SDK1: variants seen among roughly 807,000 people sequenced by gnomAD.
SDK1 encodes sidekick cell adhesion molecule 1.
Under a neutral mutation model 245.5 loss-of-function variants are expected in SDK1, and 157 were observed. The observed-to-expected ratio is 0.64, with a 90% CI of 0.56 to 0.73. The LOEUF (loss-of-function observed/expected upper bound fraction) is 0.73, where lower values mean the gene tolerates loss of function less well. Ranked by LOEUF, SDK1 falls within the 30% of genes least tolerant of loss-of-function variation. SDK1 has a pLI of 0.00. For synonymous variants in SDK1, 1,647 were observed against 1,278.5 expected (o/e 1.29, Z -6.15); for missense variants, 3,583 against 3,002.3 (o/e 1.19, Z -4.52).
At chr7:3,502,916 C>A (rs189124042) in intron 1 of SDK1, among the ~76,000 whole-genome samples, 1 of 152,154 alleles carries the variant, frequency 6.6e-6, no homozygotes, top group East Asian at 1.9e-4. Context: ...GATGTTAATG[C>A]TGATCTAACC....
At chr7:3,537,221 A>G (rs527305199) in intron 1 of SDK1, among the ~76,000 whole-genome samples, 4 of 152,338 alleles carry the variant, frequency 2.6e-5, no homozygotes, top group East Asian at 1.9e-4. Flanking sequence ...AAATGGAACT[A>G]TGCACTCTTG....
intron 1 of SDK1, among the ~76,000 whole-genome samples, chr7:3,439,568 C>G (rs1780133929): frequency 6.6e-6 from 1 of 152,178 alleles, no homozygotes; most frequent in African/African-American, 2.4e-5. Flanking sequence ...GGGAATGCCT[C>G]TGTGAGTCAC....
intron 14 of SDK1, among the ~76,000 whole-genome samples, chr7:4,003,296 T>C (rs1785212279): frequency 6.6e-6 from 1 of 152,228 alleles, no homozygotes; most frequent in African/African-American, 2.4e-5. Context: ...TTCTTTTTTC[T>C]TACTAAACTT....
intron 4 of SDK1, among the ~76,000 whole-genome samples, chr7:3,650,203 C>T (rs1203691977): frequency 6.6e-6 from 1 of 152,148 alleles, no homozygotes; most frequent in Non-Finnish European, 1.5e-5. Flanking sequence ...GTGTGAGTCA[C>T]CATCCCTGGC....
At chr7:4,237,279 A>G (rs1786230889) in intron 41 of SDK1, among the ~76,000 whole-genome samples, 1 of 151,816 alleles carries the variant, frequency 6.6e-6, no homozygotes, top group South Asian at 2.1e-4. Flanking sequence ...CAGTGTTTTT[A>G]AACAGATGAA....
rs146789455 is a variant in SDK1 at position 3,417,807 on chromosome 7, G to C, written c.298+115923G>C. 4.0e-3 allele frequency among the ~76,000 whole-genome samples: 616 copies of C among 152,276 alleles called. 19 individuals are homozygous for C. The highest frequency in any genetic ancestry group is 0.037 in the Admixed American group (567 of 15,296). On this transcript the variant is annotated intron_variant, in intron 1 of 44. Coordinates refer to ENST00000404826, the MANE Select transcript of SDK1 (RefSeq NM_152744.4). ...GTGTCCAGCAGCGACATAGACTGCT[G>C]AGATATGGCATGTCAGAGTCTGAAA...
chr7:3,986,496 A>G (rs1373946181), intron 13 of SDK1, among the ~76,000 whole-genome samples: 2 of 152,240 alleles, frequency 1.3e-5, no homozygotes, highest in African/African-American at 4.8e-5. Context: ...CTTTTCCTGC[A>G]TATGTGGCAT....
intron 5 of SDK1, among the ~76,000 whole-genome samples, chr7:3,924,694 C>A (rs1345607036): frequency 6.6e-6 from 1 of 152,198 alleles, no homozygotes; most frequent in African/African-American, 2.4e-5. Context: ...CACAACCCAT[C>A]CCTCAGAGAG....
Position 3,457,000 on chromosome 7 carries a change from C to T in SDK1, c.298+155116C>T, listed in dbSNP as rs560349200. On this transcript the variant is annotated intron_variant, in intron 1 of 44. Coordinates refer to ENST00000404826, the MANE Select transcript of SDK1 (RefSeq NM_152744.4). The stretch of plus-strand genomic sequence containing the variant: ...TCCCCCGATCCTTGCAGGTGCCTCT[C>T]AAGGGTGCACAAGGTGCTTCCGCAG... 7.4e-4 allele frequency among the ~76,000 whole-genome samples: 112 copies of T among 152,276 alleles called. 1 individual carries two copies. Among genetic ancestry groups the T allele is most frequent in the African/African-American group, 2.7e-3 (112 of 41,566 alleles).
intron 5 of SDK1, among the ~76,000 whole-genome samples, chr7:3,849,330 T>A (rs1429256247): frequency 1.3e-5 from 2 of 152,188 alleles, no homozygotes. Flanking sequence ...CCTGCTGAGG[T>A]CTGAGCTCCT....
chr7:3,961,771 A>G (rs915751622), intron 8 of SDK1, among the ~76,000 whole-genome samples: 6 of 152,230 alleles, frequency 3.9e-5, no homozygotes, highest in Admixed American at 2.0e-4. Context: ...GAATAGTGAT[A>G]CTGCCATTGA....
chr7:4,122,433 T>C (rs1562842277), intron 25 of SDK1, among the ~76,000 whole-genome samples: 1 of 152,058 alleles, frequency 6.6e-6, no homozygotes, highest in Non-Finnish European at 1.5e-5. Flanking sequence ...TTGTCTGAAA[T>C]AAGTCTCCCC....
At chr7:3,474,008 C>T (rs892462119) in intron 1 of SDK1, among the ~76,000 whole-genome samples, 4 of 149,956 alleles carry the variant, frequency 2.7e-5, no homozygotes, top group Admixed American at 6.6e-5. Flanking sequence ...CACCTTTAAC[C>T]TGTAAAATGA....
chr7:3,734,944 G>C (rs1400103224), intron 4 of SDK1, among the ~76,000 whole-genome samples: 3 of 152,112 alleles, frequency 2.0e-5, no homozygotes, highest in African/African-American at 7.2e-5. Context: ...TGAGTGCCCT[G>C]TGTCCTTCAT....
At chr7:3,620,721 G>A (rs1364545865) in intron 2 of SDK1, among the ~76,000 whole-genome samples, 2 of 152,050 alleles carry the variant, frequency 1.3e-5, no homozygotes, top group East Asian at 1.9e-4. Flanking sequence ...AGGAGCAGGC[G>A]GCTGAGCAGA....
intron 22 of SDK1, among the ~76,000 whole-genome samples, chr7:4,089,823 C>T (rs1447368461): frequency 1.3e-5 from 2 of 152,238 alleles, no homozygotes; most frequent in Non-Finnish European, 2.9e-5. Flanking sequence ...TTCCCCTCCA[C>T]CCAAAGGCCT....
rs561983956 is a variant in SDK1 at position 4,215,531 on chromosome 7, G to A, written c.5540-4578G>A. Among the ~76,000 whole-genome samples the A allele has an allele frequency of 2.6e-5, 4 of 152,330 alleles. No individual in the cohort carries two copies. The South Asian group carries it at 8.3e-4, about 32-fold the overall frequency. ...GGCTGGCCTGTGGGGTGACAGTCAC[G>A]CACGGCCCAGCATGGGAGAGGGGCC... On this transcript the variant is annotated intron_variant, in intron 38 of 44. Transcript: ENST00000404826.
chr7:3,964,046 C>T (rs147673855), intron 9 of SDK1, among the ~76,000 whole-genome samples: 10 of 152,384 alleles, frequency 6.6e-5, no homozygotes, highest in African/African-American at 2.4e-4. Context: ...TGGATGTATC[C>T]AGTGGGTACA....
chr7:3,490,811 C>T (rs1781842308), intron 1 of SDK1, among the ~76,000 whole-genome samples: 2 of 152,038 alleles, frequency 1.3e-5, no homozygotes, highest in African/African-American at 4.8e-5. Flanking sequence ...GGGTAGATGC[C>T]CAAATTCTCC....
Sources: allele counts gnomAD v4.1 joint callset (sites outside exome capture counted in the v4.1 genomes callset), GRCh38; gene constraint gnomAD v4.1.1; transcripts MANE v1.5; gene names NCBI Gene and HGNC (gene_info 2026-07-23, HGNC 2026-07-21).